TRIM33: variants seen among roughly 807,000 people sequenced by gnomAD.
TRIM33 encodes E3 ubiquitin-protein ligase TRIM33.
In TRIM33, 20 loss-of-function variants were observed where a neutral mutation model predicts 125.4. The ratio of observed to expected loss-of-function variants is 0.16; its 90% CI spans 0.11 to 0.23. TRIM33 has a LOEUF of 0.23. Ranked by LOEUF, TRIM33 falls within the 10% of genes least tolerant of loss-of-function variation. TRIM33 has a pLI of 1.00. For synonymous variants in TRIM33, 564 were observed against 513.9 expected (o/e 1.10, Z -1.32); for missense variants, 920 against 1,411.4 (o/e 0.65, Z 5.58).
intron 9 of TRIM33, among the ~76,000 whole-genome samples, chr1:114,425,171 C>T (rs549793804): frequency 2.6e-5 from 4 of 152,200 alleles, no homozygotes; most frequent in African/African-American, 7.2e-5. Flanking sequence ...CAAAATTATA[C>T]GTGGAAAACA....
chr1:114,410,094 TTC>T, intron 12 of TRIM33, 88 bp downstream of exon 12: 1 of 1,462,010 alleles, frequency 6.8e-7, no homozygotes, highest in East Asian at 2.3e-5. Context: ...CTCCTACTTA[TTC>T]TGTTTTTCTG....
At chr1:114,486,957 T>A (rs1651737552) in intron 1 of TRIM33, among the ~76,000 whole-genome samples, 1 of 151,682 alleles carries the variant, frequency 6.6e-6, no homozygotes, top group African/African-American at 2.4e-5. Flanking sequence ...TATGGTGGCG[T>A]ACGCTTGTAG....
chr1:114,476,225 A>C (rs140438846), intron 1 of TRIM33, among the ~76,000 whole-genome samples: 2,478 of 152,096 alleles, frequency 0.016, 66 homozygotes, highest in African/African-American at 0.057. Flanking sequence ...AATAAGAAAA[A>C]AAAAAACCTT....
intron 4 of TRIM33, among the ~76,000 whole-genome samples, chr1:114,443,598 A>G (rs74679588): frequency 0.026 from 4,014 of 152,290 alleles, 94 homozygotes; most frequent in Non-Finnish European, 0.034. Context: ...TCAAGTAACT[A>G]CCATCATAAA....
intron 1 of TRIM33, among the ~76,000 whole-genome samples, chr1:114,489,093 G>A (rs1194833695): frequency 6.6e-6 from 1 of 152,142 alleles, no homozygotes; most frequent in Non-Finnish European, 1.5e-5. Context: ...CAGACATACA[G>A]ATCAATGGAA....
intron 2 of TRIM33, among the ~76,000 whole-genome samples, chr1:114,464,030 A>C (rs1650148011): frequency 6.6e-6 from 1 of 152,080 alleles, no homozygotes; most frequent in Non-Finnish European, 1.5e-5. Flanking sequence ...CAGCCTCCCT[A>C]AGTGCTGCGA....
intron 3 of TRIM33, 28 bp downstream of exon 3, chr1:114,463,384 T>C (rs2101382622): frequency 6.2e-7 from 1 of 1,600,850 alleles, no homozygotes. Flanking sequence ...CTGTAATCAT[T>C]GTAATGATTA....
chr1:114,462,063 TC>T (rs1433566907), intron 4 of TRIM33, among the ~76,000 whole-genome samples: 2 of 152,186 alleles, frequency 1.3e-5, no homozygotes. Flanking sequence ...TGTATTCAAA[TC>T]CTGGTACTAC....
At chr1:114,436,879 C>A (rs1402182681) in intron 4 of TRIM33, among the ~76,000 whole-genome samples, 1 of 152,146 alleles carries the variant, frequency 6.6e-6, no homozygotes, top group Non-Finnish European at 1.5e-5. Flanking sequence ...CCAATAAAAA[C>A]TATTACTATG....
chr1:114,507,269 A>G (rs2101587087), intron 1 of TRIM33, among the ~76,000 whole-genome samples: 1 of 152,356 alleles, frequency 6.6e-6, no homozygotes, highest in South Asian at 2.1e-4. Flanking sequence ...ACTACTGGAC[A>G]GGAGGTCCGG....
intron 11 of TRIM33, chr1:114,420,435 A>G (rs1219205136): frequency 7.5e-7 from 1 of 1,334,786 alleles, no homozygotes; most frequent in Admixed American, 2.3e-5. Context: ...GGAGTGCATC[A>G]TCGGAACAAC....
At chr1:114,487,724 C>T (rs539067853) in intron 1 of TRIM33, among the ~76,000 whole-genome samples, 25 of 149,972 alleles carry the variant, frequency 1.7e-4, no homozygotes, top group Admixed American at 1.4e-3. Flanking sequence ...GGTGAAACCC[C>T]GTCTCTACTA....
chr1:114,457,586 G>A (rs1299524369), intron 4 of TRIM33, among the ~76,000 whole-genome samples: 1 of 152,162 alleles, frequency 6.6e-6, no homozygotes, highest in Admixed American at 6.5e-5. Context: ...TTACAACCAG[G>A]AGAATGCAAA....
chr1:114,432,090 T>C (rs919352488), intron 5 of TRIM33, among the ~76,000 whole-genome samples: 1 of 152,186 alleles, frequency 6.6e-6, no homozygotes, highest in African/African-American at 2.4e-5. Flanking sequence ...AAAGGGGAAG[T>C]TATCAGAGAT....
chr1:114,471,931 C>T (rs1261759447), intron 1 of TRIM33, among the ~76,000 whole-genome samples: 2 of 152,112 alleles, frequency 1.3e-5, no homozygotes, highest in African/African-American at 2.4e-5. Flanking sequence ...CTACAAAACA[C>T]ATTTAGTGAA....
At chr1:114,472,130 T>C (rs74113194) in intron 1 of TRIM33, among the ~76,000 whole-genome samples, 178 of 152,208 alleles carry the variant, frequency 1.2e-3, no homozygotes, top group African/African-American at 4.2e-3. Flanking sequence ...AATATATGAA[T>C]AAAATTTTTA....
At chr1:114,424,842 T>G (rs1318958876) in intron 9 of TRIM33, 87 bp from the exon 10 acceptor site, 11 of 1,004,680 alleles carry the variant, frequency 1.1e-5, no homozygotes, top group Non-Finnish European at 1.5e-5. Flanking sequence ...AATAATTCAG[T>G]CAAGATAAAA....
chr1:114,439,687 A>G (rs1445904914), intron 4 of TRIM33, among the ~76,000 whole-genome samples: 3 of 152,088 alleles, frequency 2.0e-5, no homozygotes, highest in Non-Finnish European at 4.4e-5. Context: ...CTATAGCTCT[A>G]AGAAGCTCAA....
intron 1 of TRIM33, among the ~76,000 whole-genome samples, chr1:114,473,297 C>T (rs1299426815): frequency 1.3e-5 from 2 of 151,164 alleles, no homozygotes; most frequent in Non-Finnish European, 2.9e-5. Flanking sequence ...CTCAGCAAGG[C>T]AATTTATTTT....
Sources: allele counts gnomAD v4.1 joint callset (sites outside exome capture counted in the v4.1 genomes callset), GRCh38; gene constraint gnomAD v4.1.1; transcripts MANE v1.5; gene names NCBI Gene and HGNC (gene_info 2026-07-23, HGNC 2026-07-21).